The following ERLEC1 variants were observed in gnomAD, a reference collection of about 807,000 sequenced individuals.
ERLEC1 encodes ER lectin.
Under a neutral mutation model 68.0 loss-of-function variants are expected in ERLEC1, and 47 were observed. That is an observed-to-expected ratio of 0.69 (90% CI 0.55 to 0.88). The LOEUF (loss-of-function observed/expected upper bound fraction) is 0.88, where lower values mean the gene tolerates loss of function less well. Ranked by LOEUF, ERLEC1 falls within the 40% of genes least tolerant of loss-of-function variation. ERLEC1 has a pLI of 0.00. For synonymous variants in ERLEC1, 225 were observed against 203.2 expected, an observed-to-expected ratio of 1.11 and a Z score of -0.91; for missense variants, 567 against 583.8, an observed-to-expected ratio of 0.97 and a Z score of 0.30.
intron 3 of ERLEC1, among the ~76,000 whole-genome samples, chr2:53,796,889 CTT>C (rs958244464): frequency 3.4e-5 from 4 of 117,236 alleles, no homozygotes; most frequent in African/African-American, 6.3e-5. Flanking sequence ...TTTTCTTTTT[CTT>C]TTTTTTTTTT....
At chr2:53,797,834 T>G in intron 5 of ERLEC1, 39 bp downstream of exon 5, 1 of 1,538,072 alleles carries the variant, frequency 6.5e-7, no homozygotes, top group Non-Finnish European at 8.9e-7. Flanking sequence ...AATGCTGGAA[T>G]TTGGTTTAAA....
chr2:53,788,370 T>TTTTGG (rs575408866), intron 1 of ERLEC1, among the ~76,000 whole-genome samples: 24 of 152,050 alleles, frequency 1.6e-4, no homozygotes, highest in Non-Finnish European at 2.8e-4. Context: ...GTTAGGGGTT[T>TTTTGG]TTTGGTTTGG....
Position 53,815,799 on chromosome 2 carries a change from C to G in ERLEC1, c.1380+864C>G, listed in dbSNP as rs1363995680. On this transcript the variant is annotated intron_variant, in intron 13 of 13. Transcript: ENST00000185150. ...ACAGGTTACATATGATACTTTGTTA[C>G]ATCCATAGAATATGTAGTGATCCAG... 3.9e-5 allele frequency among the ~76,000 whole-genome samples: 6 copies of G among 152,174 alleles called. No homozygotes were observed. In the East Asian group the frequency reaches 1.2e-3, roughly 29 times the overall value.
intron 8 of ERLEC1, among the ~76,000 whole-genome samples, chr2:53,803,565 A>G (rs1292393468): frequency 6.7e-6 from 1 of 150,072 alleles, no homozygotes; most frequent in Non-Finnish European, 1.5e-5. Flanking sequence ...GGAGTTCAAT[A>G]CCAGACTAGA....
In ERLEC1 at chr2:53,787,060, G is replaced by A; in HGVS notation, c.-151G>A. ...CAAGGGGGCGGAGGCGGCGTTGCCG[G>A]GCTCTCCGGAAGGAGACGTGGCGGC... On this transcript the variant is annotated 5_prime_UTR_variant, in exon 1 of 14. Coordinates refer to ENST00000185150, the MANE Select transcript of ERLEC1 (RefSeq NM_015701.5). The A allele has an allele frequency of 9.0e-7, 1 of 1,111,434 alleles. No homozygotes were observed. Among genetic ancestry groups the A allele is most frequent in the Admixed American group, 3.1e-5 (1 of 32,574 alleles). The allele number at this position is 1,111,434 out of a possible 1,614,324, so 68.8% of individuals were successfully genotyped here. A position where few individuals can be genotyped will look rare whatever the true frequency, so the allele number is the denominator to read the frequency against.
chr2:53,813,016 C>T lies in ERLEC1; in HGVS notation c.1169C>T (p.Ala390Val), dbSNP rs767389774. ...TWNQEEHIEWAKKNTARAYHL... is the reference protein window; with the variant it reads ...TWNQEEHIEWVKKNTARAYHL... ...AACCAAGAAGAGCATATTGAATGGG[C>T]TAAGAAGAATACTGCTAGAGCTTAT... Residue 390 changes from alanine to valine, a missense_variant, in exon 11 of 14, where the codon GCT (alanine) becomes GTT (valine). Physicochemically the swap from Ala to Val is moderately conservative, Grantham distance 64. Transcript: ENST00000185150. 4.3e-6 allele frequency: 7 copies of T among 1,613,752 alleles called. No homozygotes were observed. In the East Asian group the frequency reaches 1.6e-4, roughly 36 times the overall value.
At chr2:53,816,140 G>T (rs1413028199) in intron 13 of ERLEC1, among the ~76,000 whole-genome samples, 2 of 152,056 alleles carry the variant, frequency 1.3e-5, no homozygotes, top group African/African-American at 4.8e-5. Flanking sequence ...GAATGCAGTG[G>T]CGCAATCTTG....
chr2:53,793,207 G>T (rs1317988408), intron 1 of ERLEC1, among the ~76,000 whole-genome samples: 1 of 152,120 alleles, frequency 6.6e-6, no homozygotes, highest in Non-Finnish European at 1.5e-5. Flanking sequence ...TATCACATTT[G>T]CTATCAGGAA....
chr2:53,812,423 C>G (rs1676639746), intron 10 of ERLEC1, among the ~76,000 whole-genome samples: 1 of 152,066 alleles, frequency 6.6e-6, no homozygotes, highest in Non-Finnish European at 1.5e-5. Context: ...TCTGGACAGA[C>G]AGTTCCAATA....
At chr2:53,796,878 GTTTTCT>G (rs986378203) in intron 3 of ERLEC1, among the ~76,000 whole-genome samples, 3 of 142,344 alleles carry the variant, frequency 2.1e-5, no homozygotes, top group Non-Finnish European at 1.5e-5. Flanking sequence ...TCAAAATAAA[GTTTTCT>G]TTTTCTTTTT....
chr2:53,792,698 C>A (rs1350963926), intron 1 of ERLEC1, among the ~76,000 whole-genome samples: 3 of 152,070 alleles, frequency 2.0e-5, no homozygotes, highest in Non-Finnish European at 4.4e-5. Flanking sequence ...ACAGTGGTGC[C>A]AAGTAGTACT....
At chr2:53,812,848 G>C (rs1676662680) in intron 10 of ERLEC1, 101 bp from the exon 11 acceptor site, 1 of 1,205,218 alleles carries the variant, frequency 8.3e-7, no homozygotes, top group Non-Finnish European at 1.2e-6. Context: ...GATATCCACT[G>C]TGCAGATAAA....
At chr2:53,816,657 G>A (rs779119975) in intron 13 of ERLEC1, among the ~76,000 whole-genome samples, 4 of 151,864 alleles carry the variant, frequency 2.6e-5, no homozygotes, top group Non-Finnish European at 5.9e-5. Flanking sequence ...AATAGCTAAC[G>A]CTTTTTGTGT....
chr2:53,791,552 C>G (rs1675393175), intron 1 of ERLEC1, among the ~76,000 whole-genome samples: 1 of 152,068 alleles, frequency 6.6e-6, no homozygotes, highest in Non-Finnish European at 1.5e-5. Flanking sequence ...GTAAAGTTTG[C>G]TAAAAATATA....
At position 53,787,129 on chromosome 2, in the gene ERLEC1, C is replaced by CCAACAA; in HGVS notation, c.-81_-80insAACAAC. 3 of 1,283,442 alleles carry CCAACAA rather than the reference C, an allele frequency of 2.3e-6. No individual in the cohort carries two copies. The highest frequency in any genetic ancestry group is 3.1e-6 in the Non-Finnish European group (3 of 977,620). The allele number at this position is 1,283,442 out of a possible 1,614,324, so 79.5% of individuals were successfully genotyped here. A position where few individuals can be genotyped will look rare whatever the true frequency, so the allele number is the denominator to read the frequency against. ...CGGGCGCTTTATAGTCCCGCCGCCT[C>CCAACAA]CTCCTCCACCTCCTCCTCCTCCTCC... On this transcript the variant is annotated 5_prime_UTR_variant, in exon 1 of 14. Coordinates refer to ENST00000185150, the MANE Select transcript of ERLEC1 (RefSeq NM_015701.5).
intron 3 of ERLEC1, 148 bp from the exon 4 acceptor site, chr2:53,797,366 TC>T: frequency 1.7e-6 from 1 of 578,640 alleles, no homozygotes; most frequent in Non-Finnish European, 3.0e-6. Context: ...TTCAGAAATT[TC>T]ACATTTTTTT....
In ERLEC1 at chr2:53,809,450, G is replaced by A. The variant is rs1441815690; in HGVS notation, c.1101+177G>A. 2.6e-5 allele frequency among the ~76,000 whole-genome samples: 4 copies of A among 152,154 alleles called. 1 individual carries two copies. In the South Asian group the frequency reaches 8.3e-4, roughly 32 times the overall value. ...TGGAACATTTGGCATTAACCAAATC[G>A]GTAACCTTAAAGTGATATTGCTTAT... On this transcript the variant is annotated intron_variant, in intron 10 of 13. Coordinates refer to ENST00000185150, the MANE Select transcript of ERLEC1 (RefSeq NM_015701.5).
Position 53,799,042 on chromosome 2 carries a change from C to T in ERLEC1, c.491-5C>T. On this transcript the variant is annotated splice_region_variant and splice_polypyrimidine_tract_variant and intron_variant, in intron 5 of 13. Transcript: ENST00000185150. The stretch of plus-strand genomic sequence containing the variant: ...ATTCTTTACACTTACCTTATTATTC[C>T]ACAGAACGAGAAGCAGAAGAAAAGG... 1 of 1,611,854 alleles carries T rather than the reference C, an allele frequency of 6.2e-7. No individual in the cohort carries two copies. Among genetic ancestry groups the T allele is most frequent in the Non-Finnish European group, 8.5e-7 (1 of 1,178,720 alleles).
chr2:53,814,864 A>G lies in ERLEC1; in HGVS notation c.1309A>G (p.Lys437Glu). Residue 437 changes from lysine (K) to glutamate (E), a missense_variant, in exon 13 of 14, where the codon AAA becomes GAA. Transcript: ENST00000185150. Reference protein sequence around the residue: ...PRQVTVKLKCKESDSPHAVTV... With the variant: ...PRQVTVKLKCEESDSPHAVTV... ...TTAAAGTGCTCTCTGTTTTAGGTGC[A>G]AAGAATCAGATTCACCTCATGCTGT... 1.2e-6 allele frequency: 2 copies of G among 1,606,356 alleles called. No individual in the cohort carries two copies. The highest frequency in any genetic ancestry group is 1.7e-6 in the Non-Finnish European group (2 of 1,174,414).
Sources: allele counts gnomAD v4.1 joint callset (sites outside exome capture counted in the v4.1 genomes callset), GRCh38; gene constraint gnomAD v4.1.1; transcripts MANE v1.5; gene names NCBI Gene and HGNC (gene_info 2026-07-23, HGNC 2026-07-21).